SPIRE1: variants seen among roughly 807,000 people sequenced by gnomAD.
SPIRE1 encodes the protein spire type actin nucleation factor 1.
A neutral mutation model predicts 94.1 loss-of-function variants in SPIRE1; 40 were observed. That is an observed-to-expected ratio of 0.43 (90% CI 0.33 to 0.55). The LOEUF (loss-of-function observed/expected upper bound fraction) is 0.55, where lower values mean the gene tolerates loss of function less well. Ranked by LOEUF, SPIRE1 falls within the 20% of genes least tolerant of loss-of-function variation. SPIRE1 has a pLI of 0.06. For synonymous variants in SPIRE1, 376 were observed against 371.7 expected (o/e 1.01, Z -0.13); for missense variants, 838 against 975.2 (o/e 0.86, Z 1.87).
chr18:12,549,708 C>T lies in SPIRE1; in HGVS notation c.373-2804G>A, dbSNP rs143549428. 3.4e-3 allele frequency among the ~76,000 whole-genome samples: 518 copies of T among 152,014 alleles called. 15 individuals carry two copies. The East Asian group carries it at 0.062, about 18-fold the overall frequency. ...TCGTGATCCGCCTGCCTTGGCCTCCCGGAGTGCTGGGATTACAGCTGTGAG... is the reference window on the plus strand; with the variant it reads ...TCGTGATCCGCCTGCCTTGGCCTCCTGGAGTGCTGGGATTACAGCTGTGAG... On this transcript the variant is annotated intron_variant, in intron 2 of 16. Coordinates refer to ENST00000409402, the MANE Select transcript of SPIRE1 (RefSeq NM_001128626.2).
chr18:12,457,764 C>T (rs764932134), intron 12 of SPIRE1, among the ~76,000 whole-genome samples: 3 of 151,382 alleles, frequency 2.0e-5, no homozygotes, highest in Admixed American at 6.6e-5. Context: ...TTAGGCAGCA[C>T]GGAGATTAGA....
At chr18:12,450,697 CAAG>C (rs1484481242) in intron 16 of SPIRE1, 6 of 644,052 alleles carry the variant, frequency 9.3e-6, no homozygotes, top group South Asian at 1.8e-5. Flanking sequence ...CTAAGGGAGG[CAAG>C]AAGAAGGATC....
intron 4 of SPIRE1, among the ~76,000 whole-genome samples, chr18:12,519,561 T>C (rs1266102651): frequency 2.0e-5 from 3 of 152,060 alleles, no homozygotes; most frequent in Non-Finnish European, 4.4e-5. Flanking sequence ...AAAATGACCA[T>C]TAAAATATCA....
chr18:12,476,236 T>G (rs1043111572), intron 10 of SPIRE1, among the ~76,000 whole-genome samples: 1 of 152,160 alleles, frequency 6.6e-6, no homozygotes, highest in Non-Finnish European at 1.5e-5. Flanking sequence ...TGTTAACATA[T>G]GAATACATTT....
At chr18:12,537,880 G>A (rs2034888950) in intron 3 of SPIRE1, among the ~76,000 whole-genome samples, 1 of 152,164 alleles carries the variant, frequency 6.6e-6, no homozygotes, top group Non-Finnish European at 1.5e-5. Context: ...AAGACATCTT[G>A]TACTCATACA....
Position 12,452,342 on chromosome 18 carries a change from C to T in SPIRE1, c.1925G>A (p.Gly642Glu). ...PYSTLPIFSL[G>E]PSALQRGESS... ...TTCCCCTCTTTGCAGAGCAGAAGGT[C>T]CCAATGAAAAGATAGGAAGAGTGGA... Residue 642 changes from glycine (G) to glutamate (E), a missense_variant, in exon 16 of 17, where the codon GGA (glycine) becomes GAA (glutamate). Physicochemically the swap from Gly to Glu is moderately conservative, Grantham distance 98. Transcript: ENST00000409402. The T allele has an allele frequency of 6.2e-7, 1 of 1,614,098 alleles. No individual in the cohort carries two copies. Among genetic ancestry groups the T allele is most frequent in the Non-Finnish European group, 8.5e-7 (1 of 1,180,004 alleles).
rs1397358963 is a variant in SPIRE1, at chr18:12,657,967, CCGCCGCCGCCCAACGCGGCCGCGCG to C, written c.-126_-102del. 1,247 of 999,284 alleles carry C rather than the reference CCGCCGCCGCCCAACGCGGCCGCGCG, an allele frequency of 1.2e-3. 1 individual carries two copies. Among genetic ancestry groups the C allele is most frequent in the Non-Finnish European group, 1.4e-3 (1,138 of 840,550 alleles). The allele number at this position is 999,284 out of a possible 1,614,324, so 61.9% of individuals were successfully genotyped here. ...CGCCGCCGCCTCACCATCCCCGGAA[CCGCCGCCGCCCAACGCGGCCGCGCG>C]CGCCGCCGCCGGGACCAGGCGAGTG... On this transcript the variant is annotated 5_prime_UTR_variant, in exon 1 of 17. Transcript: ENST00000409402.
intron 4 of SPIRE1, among the ~76,000 whole-genome samples, chr18:12,514,437 A>G (rs2034133892): frequency 6.6e-6 from 1 of 152,052 alleles, no homozygotes; most frequent in African/African-American, 2.4e-5. Context: ...CTGGATTCAG[A>G]CTTTAGGAAA....
intron 8 of SPIRE1, 71 bp from the exon 9 acceptor site, chr18:12,486,071 A>G: frequency 1.6e-6 from 2 of 1,214,382 alleles, no homozygotes; most frequent in Non-Finnish European, 2.3e-6. Flanking sequence ...AGGACAAAAA[A>G]GGGAACGGAT....
chr18:12,509,481 T>C (rs2033955130), intron 5 of SPIRE1, among the ~76,000 whole-genome samples: 1 of 152,218 alleles, frequency 6.6e-6, no homozygotes. Context: ...AACAACACTA[T>C]CCAAGTATTC....
In SPIRE1 at chr18:12,632,739, A is replaced by G. The variant is rs577057890; in HGVS notation, c.372+2323T>C. ...TTCTGAAAAACTTCTATTTAGTTAG[A>G]TTCCAATTCTTTTGGTGACCTATGT... On this transcript the variant is annotated intron_variant, in intron 2 of 16. Coordinates refer to ENST00000409402, the MANE Select transcript of SPIRE1 (RefSeq NM_001128626.2). 1.6e-4 allele frequency among the ~76,000 whole-genome samples: 21 copies of G among 128,894 alleles called. No homozygotes were observed. The East Asian group carries it at 6.0e-3, about 37-fold the overall frequency. 84.6% of individuals were successfully genotyped at this position (128,894 alleles called of 152,430 possible). A position where few individuals can be genotyped will look rare whatever the true frequency, so the allele number is the denominator to read the frequency against.
intron 3 of SPIRE1, among the ~76,000 whole-genome samples, chr18:12,545,976 A>G (rs1487318515): frequency 2.6e-5 from 4 of 152,172 alleles, no homozygotes; most frequent in Admixed American, 2.6e-4. Context: ...TTAAATGCCG[A>G]ATCACCGTTC....
At position 12,479,831 on chromosome 18, in the gene SPIRE1, T is replaced by C. The variant is rs777683567; in HGVS notation, c.1272A>G (p.Ser424=). The change falls in exon 10 of 17, where the codon TCA becomes TCG. Residue 424 remains serine, a synonymous_variant. Coordinates refer to ENST00000409402, the MANE Select transcript of SPIRE1 (RefSeq NM_001128626.2). ...ATGTCAAACCTCCATTCACCATAGA[T>C]GACTCCACAAGATTCTTTGTAGATT... is the stretch of plus-strand genomic sequence containing the variant. ...TPESTKNLVE[S]SMVNGGLTSQ... is the part of the protein sequence containing the mutation. 4 of 1,614,152 alleles carry C rather than the reference T, an allele frequency of 2.5e-6. No homozygotes were observed. The highest frequency in any genetic ancestry group is 3.4e-6 in the Non-Finnish European group (4 of 1,179,994).
intron 12 of SPIRE1, among the ~76,000 whole-genome samples, chr18:12,454,824 T>G (rs973951528): frequency 6.6e-6 from 1 of 152,178 alleles, no homozygotes; most frequent in South Asian, 2.1e-4. Flanking sequence ...TTGAAAAAAA[T>G]TTTATTCTAA....
At chr18:12,618,059 T>C (rs1447452458) in intron 2 of SPIRE1, among the ~76,000 whole-genome samples, 1 of 152,118 alleles carries the variant, frequency 6.6e-6, no homozygotes, top group Non-Finnish European at 1.5e-5. Flanking sequence ...TCCATGAGAA[T>C]TTCCCCCTAG....
At chr18:12,460,038 C>A in intron 12 of SPIRE1, 1 of 427,384 alleles carries the variant, frequency 2.3e-6, no homozygotes, top group Non-Finnish European at 3.1e-6. Flanking sequence ...AAAAGGAAAA[C>A]AAAACAAAAA....
chr18:12,554,958 C>G (rs576060953), intron 2 of SPIRE1, among the ~76,000 whole-genome samples: 3 of 152,264 alleles, frequency 2.0e-5, no homozygotes, highest in Admixed American at 6.5e-5. Flanking sequence ...TGAAACTTAC[C>G]AGATCACTGC....
intron 10 of SPIRE1, among the ~76,000 whole-genome samples, chr18:12,478,285 AGGGTGTGAAGCTG>A (rs1163947631): frequency 6.6e-6 from 1 of 151,794 alleles, no homozygotes; most frequent in Non-Finnish European, 1.5e-5. Flanking sequence ...GTGTGTAGCT[AGGGTGTGAAGCTG>A]GGGTGTGTAT....
intron 10 of SPIRE1, among the ~76,000 whole-genome samples, chr18:12,472,660 T>C (rs1403227137): frequency 6.8e-6 from 1 of 147,426 alleles, no homozygotes; most frequent in Non-Finnish European, 1.5e-5. Context: ...TGAGTCACTG[T>C]GGTTGGTCTT....
Sources: gnomAD v4.1 joint callset for allele counts (sites outside exome capture counted in the v4.1 genomes callset) on GRCh38, gnomAD v4.1.1 for gene constraint, MANE v1.5 for transcripts, NCBI Gene and HGNC (gene_info 2026-07-23, HGNC 2026-07-21) for gene names.